POLK: variants seen among roughly 807,000 people sequenced by gnomAD.
POLK encodes the protein DNA polymerase kappa.
In POLK, 76 loss-of-function variants were observed where a neutral mutation model predicts 94.0. The observed-to-expected ratio is 0.81, with a 90% CI of 0.67 to 0.98. The LOEUF (loss-of-function observed/expected upper bound fraction) is 0.98. POLK is among the 50% of genes least tolerant of loss of function. The pLI is 0.00. For missense variants in POLK, 954 were observed against 1,010.1 expected (o/e 0.94, Z 0.75); for synonymous variants, 349 against 325.4 (o/e 1.07, Z -0.78).
chr5:75,584,694 G>A (rs1772371228), intron 8 of POLK, 66 bp from the exon 9 acceptor site: 3 of 926,922 alleles, frequency 3.2e-6, no homozygotes, highest in Non-Finnish European at 4.8e-6. Flanking sequence ...AGTGTAATGA[G>A]GTTGTAATCT....
Position 75,590,289 on chromosome 5 carries a change from A to G in POLK, c.1260-55A>G, listed in dbSNP as rs999783847. Reference sequence around the variant, plus strand: ...CATATAAACATGCATACCATTTCCAAATTATCCTGGATTATAGTTTACTTT... The same window carrying G: ...CATATAAACATGCATACCATTTCCAGATTATCCTGGATTATAGTTTACTTT... On this transcript the variant is annotated intron_variant, in intron 10 of 14. Transcript: ENST00000241436. 5.2e-6 allele frequency: 5 copies of G among 959,296 alleles called. No individual in the cohort carries two copies. In the African/African-American group the frequency reaches 6.5e-5, roughly 12 times the overall value. 59.4% of individuals were successfully genotyped at this position (959,296 alleles called of 1,614,324 possible). A position where few individuals can be genotyped will look rare whatever the true frequency, so the allele number is the denominator to read the frequency against.
chr5:75,565,030 G>T lies in POLK; in HGVS notation c.256-4310G>T, dbSNP rs973560854. 2.6e-5 allele frequency among the ~76,000 whole-genome samples: 4 copies of T among 152,202 alleles called. No individual in the cohort carries two copies. The East Asian group carries it at 7.7e-4, about 29-fold the overall frequency. Reference sequence around the variant, plus strand: ...TTTTAGTTTCACCAATCAAATGTAGGTTTGGTCTTTTCACATAGTCCCATA... The same window carrying T: ...TTTTAGTTTCACCAATCAAATGTAGTTTTGGTCTTTTCACATAGTCCCATA... On this transcript the variant is annotated intron_variant, in intron 3 of 14. Coordinates refer to ENST00000241436, the Ensembl canonical transcript of POLK.
chr5:75,559,523 G>GTTTTTTTTTTTTTTTTTT (rs775525619), intron 3 of POLK, among the ~76,000 whole-genome samples: 82 of 54,648 alleles, frequency 1.5e-3, no homozygotes, highest in Non-Finnish European at 2.2e-3. Context: ...GTTTTGTTTT[G>GTTTTTTTTTTTTTTTTTT]TTTTTTTTTT....
downstream of POLK, among the ~76,000 whole-genome samples, chr5:75,601,550 C>T (rs1287428525): frequency 6.6e-6 from 1 of 152,146 alleles, no homozygotes; most frequent in East Asian, 1.9e-4. Context: ...CAACTGCCAG[C>T]ATAGCTAGGA....
chr5:75,595,269 A>AAAAAAAAAAAAAAAAAAAAC (rs1773014643), intron 12 of POLK, among the ~76,000 whole-genome samples: 2 of 149,658 alleles, frequency 1.3e-5, no homozygotes, highest in African/African-American at 5.0e-5. Flanking sequence ...AAAAAAAAAA[A>AAAAAAAAAAAAAAAAAAAAC]AAAAGCCCAA....
At chr5:75,596,042 T>C (rs1482497154) in intron 12 of POLK, among the ~76,000 whole-genome samples, 180 bp from the exon 13 acceptor site, 2 of 152,252 alleles carry the variant, frequency 1.3e-5, no homozygotes, top group African/African-American at 4.8e-5. Context: ...TAATATTTAA[T>C]GATATTCTTT....
intron 12 of POLK, among the ~76,000 whole-genome samples, chr5:75,595,576 A>G (rs1271116089): frequency 2.0e-5 from 3 of 152,208 alleles, no homozygotes; most frequent in Admixed American, 1.3e-4. Context: ...TCAGGAGTTA[A>G]GAGGGGCAGG....
chr5:75,573,724 C>T lies in POLK; in HGVS notation c.409-14C>T. The T allele has an allele frequency of 6.2e-7, 1 of 1,609,096 alleles. No individual in the cohort carries two copies. The highest frequency in any genetic ancestry group is 1.3e-5 in the African/African-American group (1 of 74,818). On this transcript the variant is annotated splice_polypyrimidine_tract_variant and intron_variant, in intron 4 of 14. Transcript: ENST00000241436. ...GTTTGTGTATTTTTTTCCATGTGGT[C>T]AATTTTCTTTCAGTCTACTTCAAAT... is the stretch of plus-strand genomic sequence containing the variant.
chr5:75,556,378 G>C (rs532078812), intron 3 of POLK, among the ~76,000 whole-genome samples: 1 of 152,126 alleles, frequency 6.6e-6, no homozygotes, highest in Non-Finnish European at 1.5e-5. Flanking sequence ...CTTATTTTTG[G>C]TTTTTAAGAG....
intron 5 of POLK, among the ~76,000 whole-genome samples, chr5:75,576,211 A>C (rs1771866970): frequency 6.6e-6 from 1 of 152,204 alleles, no homozygotes; most frequent in Non-Finnish European, 1.5e-5. Flanking sequence ...TCCAGATCTT[A>C]ATAAGTAATA....
chr5:75,513,515 A>C (rs1171485621), intron 1 of POLK, among the ~76,000 whole-genome samples: 1 of 152,226 alleles, frequency 6.6e-6, no homozygotes, highest in Admixed American at 6.5e-5. Flanking sequence ...AGAATAAGAC[A>C]GTGATTTCAG....
At chr5:75,511,677 C>G, upstream of POLK, 1 of 1,527,258 alleles carries the variant, frequency 6.5e-7, no homozygotes, top group South Asian at 1.2e-5. Context: ...CTCCCATTCT[C>G]CCCCACTACT....
At position 75,573,888 on chromosome 5, in the gene POLK, C is replaced by T. The variant is rs185272387; in HGVS notation, c.540+19C>T. The T allele has an allele frequency of 2.7e-5, 43 of 1,611,950 alleles. No homozygotes were observed. The highest frequency in any genetic ancestry group is 5.0e-5 in the Admixed American group (3 of 59,874). On this transcript the variant is annotated intron_variant, in intron 5 of 14. Transcript: ENST00000241436. ...TAAAGAGGTAAGTTAATGTCTCACC[C>T]CTACTTTAGGCTTTCACTGAGTTCC... is the stretch of plus-strand genomic sequence containing the variant.
At chr5:75,603,551 A>G (rs923727381), downstream of POLK, among the ~76,000 whole-genome samples, 1 of 152,170 alleles carries the variant, frequency 6.6e-6, no homozygotes, top group South Asian at 2.1e-4. Context: ...TGCTCCCACC[A>G]TGACAGATTT....
Position 75,557,075 on chromosome 5 carries a change from AAAAG to A in POLK, c.255+4492_255+4495del, listed in dbSNP as rs761577889. On this transcript the variant is annotated intron_variant, in intron 3 of 14. Transcript: ENST00000241436. ...GAGACTCTGTCTCAAGAAAAGAAAA[AAAAG>A]AAAGAAACTCTTCTCCATTTTATTG... Among the ~76,000 whole-genome samples, 65 of 152,318 alleles carry A rather than the reference AAAAG, an allele frequency of 4.3e-4. 1 individual carries two copies. The South Asian group carries it at 7.7e-3, about 18-fold the overall frequency.
chr5:75,571,586 G>A (rs1403542089), intron 4 of POLK, among the ~76,000 whole-genome samples: 2 of 152,152 alleles, frequency 1.3e-5, no homozygotes, highest in East Asian at 3.8e-4. Flanking sequence ...TGAGGAGATT[G>A]GAATGGATTC....
At chr5:75,524,407 C>G (rs1768734786) in intron 1 of POLK, among the ~76,000 whole-genome samples, 1 of 152,128 alleles carries the variant, frequency 6.6e-6, no homozygotes, top group Non-Finnish European at 1.5e-5. Flanking sequence ...ATTGGCTGCT[C>G]TCCTCTCTTA....
chr5:75,555,548 C>T (rs1324586923), intron 3 of POLK, among the ~76,000 whole-genome samples: 1 of 149,854 alleles, frequency 6.7e-6, no homozygotes, highest in Non-Finnish European at 1.5e-5. Flanking sequence ...GTACCACAGA[C>T]AATTTTTTTT....
At chr5:75,584,492 A>C (rs1273981532) in intron 8 of POLK, among the ~76,000 whole-genome samples, 1 of 152,116 alleles carries the variant, frequency 6.6e-6, no homozygotes, top group African/African-American at 2.4e-5. Flanking sequence ...AATAAGAAGA[A>C]ACCCCATCTC....
Sources: allele counts gnomAD v4.1 joint callset (sites outside exome capture counted in the v4.1 genomes callset), GRCh38; gene constraint gnomAD v4.1.1; transcripts MANE v1.5; gene names NCBI Gene and HGNC (gene_info 2026-07-23, HGNC 2026-07-21).